CCDC91: variants seen among roughly 807,000 people sequenced by gnomAD.
CCDC91 encodes the protein coiled-coil domain-containing protein 91.
Under a neutral mutation model 63.2 loss-of-function variants are expected in CCDC91, and 48 were observed. The ratio of observed to expected loss-of-function variants is 0.76; its 90% CI spans 0.60 to 0.97. The LOEUF (loss-of-function observed/expected upper bound fraction) is 0.97, where lower values mean the gene tolerates loss of function less well. Ranked by LOEUF, CCDC91 falls within the 50% of genes least tolerant of loss-of-function variation. The pLI is 0.00. For synonymous variants in CCDC91, 167 were observed against 165.8 expected (o/e 1.01, Z -0.06); for missense variants, 500 against 494.6 (o/e 1.01, Z -0.10).
At chr12:28,267,940 ATATAATTAT>A (rs1947447240) in intron 3 of CCDC91, among the ~76,000 whole-genome samples, 1 of 105,190 alleles carries the variant, frequency 9.5e-6, no homozygotes, top group African/African-American at 3.9e-5. Context: ...ATATAATTAT[ATATAATTAT>A]TATATATAAT....
At chr12:28,537,421 A>G (rs1306807613) in intron 12 of CCDC91, among the ~76,000 whole-genome samples, 1 of 152,198 alleles carries the variant, frequency 6.6e-6, no homozygotes, top group Non-Finnish European at 1.5e-5. Context: ...CATAAATTTT[A>G]GTGTCATTTA....
At chr12:28,392,607 A>G (rs1946020209) in intron 8 of CCDC91, among the ~76,000 whole-genome samples, 1 of 152,246 alleles carries the variant, frequency 6.6e-6, no homozygotes, top group African/African-American at 2.4e-5. Flanking sequence ...CTATGAACTT[A>G]GAAGGGAGAG....
chr12:28,348,224 C>T (rs191538343), intron 6 of CCDC91, among the ~76,000 whole-genome samples: 18 of 152,314 alleles, frequency 1.2e-4, no homozygotes, highest in Admixed American at 3.9e-4. Flanking sequence ...CTACCAGCAT[C>T]GGTCTCATTT....
chr12:28,470,218 A>G (rs1298502177), intron 11 of CCDC91, among the ~76,000 whole-genome samples: 2 of 152,194 alleles, frequency 1.3e-5, no homozygotes, highest in Admixed American at 6.5e-5. Context: ...ATATATAAGG[A>G]GTTCAAACAA....
chr12:28,386,684 G>C (rs938153185), intron 7 of CCDC91, among the ~76,000 whole-genome samples: 10 of 152,166 alleles, frequency 6.6e-5, no homozygotes, highest in Admixed American at 2.6e-4. Flanking sequence ...TATTCTTAAA[G>C]TGTGATAGTT....
chr12:28,441,793 G>T (rs1404691166), intron 8 of CCDC91, among the ~76,000 whole-genome samples: 4 of 150,826 alleles, frequency 2.7e-5, no homozygotes, highest in African/African-American at 9.7e-5. Flanking sequence ...ATGGTCAGAG[G>T]AAAATATCAG....
At chr12:28,258,858 CTT>C (rs1207538940) in intron 2 of CCDC91, among the ~76,000 whole-genome samples, 7 of 151,944 alleles carry the variant, frequency 4.6e-5, no homozygotes, top group Non-Finnish European at 1.0e-4. Flanking sequence ...TAATTGAAAA[CTT>C]GAGTTTTAGA....
chr12:28,525,324 G>C (rs1183385975), intron 12 of CCDC91, among the ~76,000 whole-genome samples: 1 of 152,002 alleles, frequency 6.6e-6, no homozygotes, highest in South Asian at 2.1e-4. Context: ...AGTTCGAAGA[G>C]TTTTTAATTT....
rs538590534 is a variant in CCDC91, at chr12:28,488,167, T to A, written c.1215+4002T>A. Reference sequence around the variant, plus strand: ...TTAAAGTTAGAATTCTGAGAAAATTTTAATTTTAAATGCTATTTACCAATT... The same window carrying A: ...TTAAAGTTAGAATTCTGAGAAAATTATAATTTTAAATGCTATTTACCAATT... On this transcript the variant is annotated intron_variant, in intron 12 of 12. Coordinates refer to ENST00000536442, the MANE Select transcript of CCDC91 (RefSeq NM_018318.5). Among the ~76,000 whole-genome samples, 42 of 151,896 alleles carry A rather than the reference T, an allele frequency of 2.8e-4. 1 individual carries two copies. Among genetic ancestry groups the A allele is most frequent in the African/African-American group, 9.9e-4 (41 of 41,528 alleles).
intron 11 of CCDC91, among the ~76,000 whole-genome samples, chr12:28,478,981 G>C (rs1416311551): frequency 1.3e-5 from 2 of 152,184 alleles, no homozygotes; most frequent in Non-Finnish European, 2.9e-5. Flanking sequence ...TGGAGAGGAT[G>C]TGGAGAAATA....
chr12:28,540,695 A>G (rs368599012), intron 12 of CCDC91, among the ~76,000 whole-genome samples: 37 of 152,232 alleles, frequency 2.4e-4, no homozygotes, highest in East Asian at 5.8e-4. Context: ...GATGTCTCCA[A>G]TGGTACTTTG....
chr12:28,307,157 A>AACTATT (rs1938829876), intron 5 of CCDC91, among the ~76,000 whole-genome samples: 2 of 151,938 alleles, frequency 1.3e-5, no homozygotes, highest in African/African-American at 2.4e-5. Context: ...ATCGTTTACT[A>AACTATT]GGTTTTTTCT....
intron 12 of CCDC91, among the ~76,000 whole-genome samples, chr12:28,501,953 G>A (rs1034651205): frequency 6.6e-6 from 1 of 151,890 alleles, no homozygotes; most frequent in African/African-American, 2.4e-5. Flanking sequence ...ATGTGTCGAG[G>A]AATTTATCCA....
chr12:28,466,209 A>T (rs989297895), intron 11 of CCDC91, among the ~76,000 whole-genome samples: 2 of 152,206 alleles, frequency 1.3e-5, no homozygotes, highest in Non-Finnish European at 2.9e-5. Flanking sequence ...TGCCTCCAGG[A>T]TTTAGAAAAT....
chr12:28,221,305 A>G (rs1290340382), intron 1 of CCDC91, among the ~76,000 whole-genome samples: 3 of 152,128 alleles, frequency 2.0e-5, no homozygotes, highest in African/African-American at 7.2e-5. Flanking sequence ...CTTAAAAGTT[A>G]TAAAGCATAT....
At chr12:28,255,340 G>T (rs1348563824) in intron 1 of CCDC91, among the ~76,000 whole-genome samples, 6 of 152,198 alleles carry the variant, frequency 3.9e-5, no homozygotes, top group Non-Finnish European at 8.8e-5. Context: ...TACAGCATAT[G>T]TAGATGCTAA....
chr12:28,439,818 G>A (rs920195713), intron 8 of CCDC91, among the ~76,000 whole-genome samples: 4 of 146,208 alleles, frequency 2.7e-5, no homozygotes, highest in Non-Finnish European at 6.0e-5. Context: ...ATTTTCACTT[G>A]GAAGAATTTT....
chr12:28,317,449 C>G (rs1256774354), intron 6 of CCDC91, among the ~76,000 whole-genome samples: 2 of 151,820 alleles, frequency 1.3e-5, no homozygotes, highest in African/African-American at 4.8e-5. Flanking sequence ...AATCTCATAG[C>G]AATAAAACTT....
At chr12:28,207,713 A>T (rs1038912373) in intron 1 of CCDC91, among the ~76,000 whole-genome samples, 1 of 152,194 alleles carries the variant, frequency 6.6e-6, no homozygotes, top group Non-Finnish European at 1.5e-5. Flanking sequence ...ATAAGTCACC[A>T]CATCAATATA....
Sources: allele counts gnomAD v4.1 joint callset (sites outside exome capture counted in the v4.1 genomes callset), GRCh38; gene constraint gnomAD v4.1.1; transcripts MANE v1.5; gene names NCBI Gene and HGNC (gene_info 2026-07-23, HGNC 2026-07-21).